The following COL23A1 variants were observed in gnomAD, a reference collection of about 807,000 sequenced individuals.
COL23A1 encodes the protein collagen alpha-1(XXIII) chain.
Under a neutral mutation model 99.3 loss-of-function variants are expected in COL23A1, and 97 were observed. The ratio of observed to expected loss-of-function variants is 0.98; its 90% CI spans 0.83 to 1.16. The LOEUF (loss-of-function observed/expected upper bound fraction) is 1.16, where lower values mean the gene tolerates loss of function less well. Among genes scored for constraint, COL23A1 ranks in the 50% most tolerant of loss-of-function variants. COL23A1 has a pLI of 0.00. For synonymous variants in COL23A1, 320 were observed against 308.2 expected (o/e 1.04, Z -0.40); for missense variants, 762 against 757.4 (o/e 1.01, Z -0.07).
chr5:178,241,507 C>T (rs1217061856), intron 27 of COL23A1, among the ~76,000 whole-genome samples: 2 of 152,144 alleles, frequency 1.3e-5, no homozygotes, highest in Admixed American at 1.3e-4. Context: ...TCAGCTTGGC[C>T]TCAGGCCCAG....
intron 2 of COL23A1, among the ~76,000 whole-genome samples, chr5:178,467,250 CT>C (rs1380255937): frequency 6.6e-6 from 1 of 152,154 alleles, no homozygotes; most frequent in Admixed American, 6.5e-5. Flanking sequence ...CCACTGAGGC[CT>C]TTGGGAAGGT....
At chr5:178,536,925 C>A (rs936393181) in intron 2 of COL23A1, among the ~76,000 whole-genome samples, 9 of 152,202 alleles carry the variant, frequency 5.9e-5, no homozygotes, top group African/African-American at 2.2e-4. Flanking sequence ...TATGGTTCTA[C>A]CACGGGGCCT....
At chr5:178,448,888 C>G (rs890948985) in intron 2 of COL23A1, among the ~76,000 whole-genome samples, 3 of 150,988 alleles carry the variant, frequency 2.0e-5, no homozygotes, top group African/African-American at 7.3e-5. Flanking sequence ...ACTTCCCAGC[C>G]TTCAGAACTG....
chr5:178,263,191 T>C lies in COL23A1; in HGVS notation c.639+17A>G, dbSNP rs1375931020. ...TTGGTCAAGTCCTGCGTGGCCCAAC[T>C]CCATGCCCTCTCTTACCGCTGGGCC... On this transcript the variant is annotated intron_variant, in intron 9 of 28. Transcript: ENST00000390654. 1 of 1,585,004 alleles carries C rather than the reference T, an allele frequency of 6.3e-7. No individual in the cohort carries two copies. The highest frequency in any genetic ancestry group is 1.7e-5 in the Admixed American group (1 of 59,964).
intron 2 of COL23A1, among the ~76,000 whole-genome samples, chr5:178,506,452 C>A (rs762892569): frequency 3.3e-5 from 5 of 152,132 alleles, no homozygotes; most frequent in East Asian, 1.9e-4. Context: ...ATAGCCTATT[C>A]CTCCCCATCC....
At chr5:178,588,815 A>G (rs1764125323) in intron 1 of COL23A1, among the ~76,000 whole-genome samples, 1 of 152,216 alleles carries the variant, frequency 6.6e-6, no homozygotes, top group South Asian at 2.1e-4. Flanking sequence ...TAAAGATCCC[A>G]GCTGGGCAGT....
At chr5:178,334,107 A>G (rs541298012) in intron 2 of COL23A1, among the ~76,000 whole-genome samples, 1 of 152,210 alleles carries the variant, frequency 6.6e-6, no homozygotes, top group South Asian at 2.1e-4. Context: ...GCTGTGGGCT[A>G]AGGGTACCCT....
At chr5:178,373,352 T>G (rs1762901860) in intron 2 of COL23A1, among the ~76,000 whole-genome samples, 1 of 152,220 alleles carries the variant, frequency 6.6e-6, no homozygotes, top group African/African-American at 2.4e-5. Context: ...CAGAACTGAC[T>G]GCCGTTCTCA....
chr5:178,253,127 T>G (rs1765120930), intron 16 of COL23A1, among the ~76,000 whole-genome samples: 1 of 152,116 alleles, frequency 6.6e-6, no homozygotes, highest in Non-Finnish European at 1.5e-5. Flanking sequence ...GACCCCACTC[T>G]CAAGCTCCTG....
intron 2 of COL23A1, among the ~76,000 whole-genome samples, chr5:178,389,911 G>A (rs1446778898): frequency 1.3e-5 from 2 of 152,210 alleles, no homozygotes; most frequent in African/African-American, 4.8e-5. Flanking sequence ...GGCTGCCCCT[G>A]CCAAGACACC....
rs1758810810 is a variant in COL23A1, at chr5:178,313,416, CCT to C, written c.362-6499_362-6498del. 6.6e-6 allele frequency among the ~76,000 whole-genome samples: 1 copy of C among 152,168 alleles called. No individual in the cohort carries two copies. The highest frequency in any genetic ancestry group is 2.4e-5 in the African/African-American group (1 of 41,430). Reference sequence around the variant, plus strand: ...AAACACCCCAGGGGTCTCAGCTACCCCTGAGCGAGGCTGTGAGCCGGGCCGTC... The same window carrying C: ...AAACACCCCAGGGGTCTCAGCTACCCGAGCGAGGCTGTGAGCCGGGCCGTC... On this transcript the variant is annotated intron_variant, in intron 2 of 28. Coordinates refer to ENST00000390654, the MANE Select transcript of COL23A1 (RefSeq NM_173465.4). This position sits in a 1 kb window ranked among gnomAD's most constrained non-coding sequence, Gnocchi z 4.2.
At chr5:178,567,229 T>C (rs1562097281) in intron 1 of COL23A1, among the ~76,000 whole-genome samples, 1 of 152,234 alleles carries the variant, frequency 6.6e-6, no homozygotes, top group Non-Finnish European at 1.5e-5. Flanking sequence ...CAAACAGTCA[T>C]ACCCTAGTAG....
At chr5:178,267,588 C>T (rs1278508810) in intron 7 of COL23A1, among the ~76,000 whole-genome samples, 1 of 152,180 alleles carries the variant, frequency 6.6e-6, no homozygotes, top group Non-Finnish European at 1.5e-5. Flanking sequence ...TAGGGGGCAG[C>T]CCCAGCCATT....
chr5:178,543,760 C>T (rs1761427192), intron 2 of COL23A1, among the ~76,000 whole-genome samples: 1 of 152,178 alleles, frequency 6.6e-6, no homozygotes, highest in Non-Finnish European at 1.5e-5. Context: ...CTATGAATTG[C>T]ATGGCTTACA....
intron 2 of COL23A1, among the ~76,000 whole-genome samples, chr5:178,370,828 G>A (rs560177415): frequency 2.0e-5 from 3 of 152,338 alleles, no homozygotes; most frequent in Non-Finnish European, 2.9e-5. Flanking sequence ...TGCAGTCCCA[G>A]CTACTCAAGA....
In COL23A1 at chr5:178,507,027, A is replaced by G. The variant is rs1347683197; in HGVS notation, c.361+53655T>C. Reference sequence around the variant, plus strand: ...AGTTAAAAAACACTTGCAGCGTTGCAAAGCCAGCTTATAAAACAGGGTACA... The same window carrying G: ...AGTTAAAAAACACTTGCAGCGTTGCGAAGCCAGCTTATAAAACAGGGTACA... On this transcript the variant is annotated intron_variant, in intron 2 of 28. Transcript: ENST00000390654. 2.6e-5 allele frequency among the ~76,000 whole-genome samples: 4 copies of G among 152,252 alleles called. No homozygotes were observed. In the East Asian group the frequency reaches 7.7e-4, roughly 29 times the overall value.
chr5:178,589,790 GC>G lies in COL23A1; in HGVS notation c.294+113del, dbSNP rs1764172997. The G allele has an allele frequency of 3.9e-6, 4 of 1,038,506 alleles. No homozygotes were observed. The highest frequency in any genetic ancestry group is 3.7e-6 in the Non-Finnish European group (3 of 816,858). 64.3% of individuals were successfully genotyped at this position (1,038,506 alleles called of 1,614,324 possible). On this transcript the variant is annotated intron_variant, in intron 1 of 28. Transcript: ENST00000390654. The surrounding 1 kb of genome is among the most constrained non-coding windows in gnomAD (Gnocchi z 5.4). ...TCTGGGACGGCCCCGAGCGCACGCAGCCGGCGGGCGACCCTCCTCCCAGAGA... is the reference window on the plus strand; with the variant it reads ...TCTGGGACGGCCCCGAGCGCACGCAGCGGCGGGCGACCCTCCTCCCAGAGA...
intron 2 of COL23A1, among the ~76,000 whole-genome samples, chr5:178,526,792 C>A (rs1402742398): frequency 1.3e-5 from 2 of 152,186 alleles, no homozygotes; most frequent in African/African-American, 4.8e-5. Flanking sequence ...CTCAGCCTCA[C>A]TCCTCTGCTA....
intron 2 of COL23A1, among the ~76,000 whole-genome samples, chr5:178,325,889 G>A (rs961773733): frequency 1.3e-5 from 2 of 152,284 alleles, no homozygotes; most frequent in African/African-American, 4.8e-5. Flanking sequence ...TGTCGTGCCT[G>A]CGCTTGTGCC....
Sources: allele counts gnomAD v4.1 joint callset (sites outside exome capture counted in the v4.1 genomes callset), GRCh38; gene constraint gnomAD v4.1.1; non-coding constraint Gnocchi (gnomAD v3.1); transcripts MANE v1.5; gene names NCBI Gene and HGNC (gene_info 2026-07-23, HGNC 2026-07-21).